Variants in LRBA observed in about 807,000 individuals in gnomAD.
The protein encoded by LRBA is lipopolysaccharide-responsive and beige-like anchor protein.
LRBA carries 176 observed loss-of-function variants against 330.0 expected under a neutral mutation model. The ratio of observed to expected loss-of-function variants is 0.53; its 90% CI spans 0.47 to 0.60. The LOEUF (loss-of-function observed/expected upper bound fraction) is 0.60, where lower values mean the gene tolerates loss of function less well. Among genes scored for constraint, LRBA ranks in the 20% least tolerant of loss-of-function variants. The pLI, the probability that LRBA is intolerant of heterozygous loss-of-function variation, is 0.00. For missense variants in LRBA, 3,259 were observed against 3,444.8 expected (o/e 0.95, Z 1.35); for synonymous variants, 1,230 against 1,193.0 (o/e 1.03, Z -0.64).
Position 150,852,696 on chromosome 4 carries a change from G to A in LRBA, c.3014C>T (p.Ser1005Phe), listed in dbSNP as rs1750756096. Residue 1005 changes from serine (S) to phenylalanine (F), a missense_variant, in exon 23 of 57, where the codon TCT becomes TTT. Ser to Phe is a radical substitution (Grantham distance 155, BLOSUM62 -2). Transcript: ENST00000651943. Reference sequence around the variant, plus strand: ...ATTAGTAGTTTGCAGTTCAATATTAGATGCAGATTCTAGTGAACTTGTCTT... The same window carrying A: ...ATTAGTAGTTTGCAGTTCAATATTAAATGCAGATTCTAGTGAACTTGTCTT... ...IEKTSSLESA[S>F]NIELQTTNTS... 2 of 1,613,828 alleles carry A rather than the reference G, an allele frequency of 1.2e-6. No homozygotes were observed. Among genetic ancestry groups the A allele is most frequent in the South Asian group, 1.1e-5 (1 of 91,056 alleles).
At chr4:150,987,794 G>A (rs1350755343) in intron 2 of LRBA, among the ~76,000 whole-genome samples, 1 of 151,858 alleles carries the variant, frequency 6.6e-6, no homozygotes, top group Non-Finnish European at 1.5e-5. Context: ...CTGAGGTCAG[G>A]AGCTCGAGAC....
At chr4:150,815,842 T>A (rs1246177556) in intron 31 of LRBA, among the ~76,000 whole-genome samples, 1 of 151,952 alleles carries the variant, frequency 6.6e-6, no homozygotes, top group Non-Finnish European at 1.5e-5. Flanking sequence ...AATTATACAG[T>A]ACGTAAAGAA....
chr4:150,842,617 G>T (rs935111704), intron 28 of LRBA, among the ~76,000 whole-genome samples: 1 of 152,150 alleles, frequency 6.6e-6, no homozygotes, highest in South Asian at 2.1e-4. Flanking sequence ...AAAGTTGATG[G>T]CTTCTTAATT....
intron 35 of LRBA, among the ~76,000 whole-genome samples, chr4:150,758,732 C>G (rs555898461): frequency 1.3e-5 from 2 of 151,764 alleles, no homozygotes; most frequent in African/African-American, 4.8e-5. Flanking sequence ...TGCCACCATA[C>G]CCAACTAATT....
chr4:150,372,993 GGA>G (rs1740630041), intron 47 of LRBA, among the ~76,000 whole-genome samples: 1 of 151,936 alleles, frequency 6.6e-6, no homozygotes, highest in Non-Finnish European at 1.5e-5. Flanking sequence ...GCAATCCTAT[GGA>G]GAGTGTCATG....
rs147291208 is a variant in LRBA, at chr4:150,429,964, T to A, written c.7041+5625A>T. On this transcript the variant is annotated intron_variant, in intron 46 of 56. Coordinates refer to ENST00000651943, the MANE Select transcript of LRBA (RefSeq NM_001364905.1). ...CAATAAATGCTAGCCTAACTAAACGTGTTTTGGGGGATTTTAATTGACTTC... is the reference window on the plus strand; with the variant it reads ...CAATAAATGCTAGCCTAACTAAACGAGTTTTGGGGGATTTTAATTGACTTC... Among the ~76,000 whole-genome samples the A allele has an allele frequency of 5.9e-3, 891 of 152,228 alleles. 4 individuals carry two copies. Among genetic ancestry groups the A allele is most frequent in the Non-Finnish European group, 9.8e-3 (666 of 67,994 alleles).
intron 40 of LRBA, chr4:150,579,914 T>C (rs1771055016): frequency 5.8e-6 from 2 of 343,344 alleles, no homozygotes; most frequent in Non-Finnish European, 1.2e-5. Flanking sequence ...CCGCACCCTC[T>C]ATCCCCGCCA....
intron 40 of LRBA, among the ~76,000 whole-genome samples, chr4:150,574,924 CA>C (rs1292431824): frequency 1.3e-5 from 2 of 151,944 alleles, no homozygotes; most frequent in African/African-American, 4.8e-5. Flanking sequence ...TCCCAGCAAG[CA>C]AATCATTTGA....
chr4:150,322,980 T>C (rs4413386), intron 49 of LRBA, among the ~76,000 whole-genome samples: 4 of 148,916 alleles, frequency 2.7e-5, no homozygotes, highest in African/African-American at 5.1e-5. Flanking sequence ...ATTTCTGCTA[T>C]ATTTGTGTGT....
At chr4:150,724,894 G>GTATATATA (rs1019345049) in intron 36 of LRBA, among the ~76,000 whole-genome samples, 1 of 145,240 alleles carries the variant, frequency 6.9e-6, no homozygotes, top group Non-Finnish European at 1.5e-5. Context: ...ATATATATAT[G>GTATATATA]TATATATATA....
chr4:150,554,253 G>A (rs1767001418), intron 40 of LRBA, among the ~76,000 whole-genome samples: 1 of 152,078 alleles, frequency 6.6e-6, no homozygotes, highest in South Asian at 2.1e-4. Context: ...GGAAAGAGGG[G>A]TAAGATAGTT....
chr4:150,489,216 GAATATAT>G (rs1188334948), intron 41 of LRBA, among the ~76,000 whole-genome samples: 2 of 43,112 alleles, frequency 4.6e-5, no homozygotes, highest in Admixed American at 3.9e-4. Flanking sequence ...TTATATATAC[GAATATAT>G]AATATATTAT....
rs1452095174 is a variant in LRBA at position 150,866,913 on chromosome 4, C to T, written c.2766+758G>A. On this transcript the variant is annotated intron_variant, in intron 22 of 56. Coordinates refer to ENST00000651943, the MANE Select transcript of LRBA (RefSeq NM_001364905.1). ...TCTTTATTGTTTAGAGTTATATACA[C>T]GTAGTAAAGGTATAGAAAAGACAAA... Among the ~76,000 whole-genome samples the T allele has an allele frequency of 1.6e-4, 25 of 151,660 alleles. 1 individual carries two copies. The highest frequency in any genetic ancestry group is 7.3e-5 in the African/African-American group (3 of 41,272).
At chr4:150,908,616 A>G (rs938913429) in intron 10 of LRBA, 44 bp downstream of exon 10, 31 of 1,549,742 alleles carry the variant, frequency 2.0e-5, no homozygotes, top group Non-Finnish European at 2.6e-5. Flanking sequence ...ATAACACATC[A>G]AAAATTACCA....
chr4:150,928,890 A>G lies in LRBA; in HGVS notation c.392T>C (p.Val131Ala), dbSNP rs770434240. 4.3e-6 allele frequency: 7 copies of G among 1,614,042 alleles called. No homozygotes were observed. The Admixed American group carries it at 1.0e-4, about 23-fold the overall frequency. Residue 131 changes from valine (V) to alanine (A), a missense_variant, in exon 3 of 57, where the codon GTA becomes GCA. Physicochemically the swap from Val to Ala is moderately conservative, Grantham distance 64 (BLOSUM62 0). Coordinates refer to ENST00000651943, the MANE Select transcript of LRBA (RefSeq NM_001364905.1). ...SIRNLQVCTE[V>A]GLVEKVLGKI... ...CCCAAGCACTTTTTCAACAAGGCCT[A>G]CTTCAGTGCAGACTTGAAGATTCCG...
At chr4:150,620,096 T>C (rs1266551242) in intron 37 of LRBA, among the ~76,000 whole-genome samples, 1 of 152,194 alleles carries the variant, frequency 6.6e-6, no homozygotes, top group Non-Finnish European at 1.5e-5. Context: ...CGTTAATGTT[T>C]CGTTAATGGA....
At chr4:150,541,090 GA>G (rs1765270881) in intron 40 of LRBA, among the ~76,000 whole-genome samples, 1 of 152,150 alleles carries the variant, frequency 6.6e-6, no homozygotes, top group Non-Finnish European at 1.5e-5. Context: ...AAAGGTAAAC[GA>G]AAGTTAGCCA....
intron 40 of LRBA, among the ~76,000 whole-genome samples, chr4:150,552,046 C>T (rs908393363): frequency 6.6e-6 from 1 of 151,984 alleles, no homozygotes; most frequent in Non-Finnish European, 1.5e-5. Context: ...CAACCTAGTT[C>T]CCTCATATGC....
intron 40 of LRBA, among the ~76,000 whole-genome samples, chr4:150,497,086 T>C (rs1479235392): frequency 6.6e-6 from 1 of 152,116 alleles, no homozygotes; most frequent in Non-Finnish European, 1.5e-5. Context: ...TGTGCAAATG[T>C]TTTATGTTAC....
Sources: gnomAD v4.1 joint callset for allele counts (sites outside exome capture counted in the v4.1 genomes callset) on GRCh38, gnomAD v4.1.1 for gene constraint, MANE v1.5 for transcripts, NCBI Gene and HGNC (gene_info 2026-07-23, HGNC 2026-07-21) for gene names.